Variants in AGTPBP1 observed in about 807,000 individuals in gnomAD.
AGTPBP1 encodes cytosolic carboxypeptidase 1.
Under a neutral mutation model 143.9 loss-of-function variants are expected in AGTPBP1, and 70 were observed. That is an observed-to-expected ratio of 0.49 (90% CI 0.40 to 0.59). The LOEUF (loss-of-function observed/expected upper bound fraction) is 0.59. AGTPBP1 is among the 20% of genes least tolerant of loss of function. The pLI is 0.00. For missense variants in AGTPBP1, 1,229 were observed against 1,464.5 expected (o/e 0.84, Z 2.62); for synonymous variants, 463 against 500.2 (o/e 0.93, Z 0.99).
At chr9:85,728,442 A>G (rs1279502313) in intron 1 of AGTPBP1, among the ~76,000 whole-genome samples, 1 of 152,138 alleles carries the variant, frequency 6.6e-6, no homozygotes, top group Non-Finnish European at 1.5e-5. Context: ...TAAAAAAGTT[A>G]TGGATTTCCC....
At chr9:85,674,439 T>C (rs560259909) in intron 6 of AGTPBP1, among the ~76,000 whole-genome samples, 1 of 152,060 alleles carries the variant, frequency 6.6e-6, no homozygotes, top group Admixed American at 6.6e-5. Context: ...TCATGAAAAG[T>C]AGAAGATAAC....
intron 10 of AGTPBP1, among the ~76,000 whole-genome samples, chr9:85,656,432 G>C (rs1231437862): frequency 6.6e-6 from 1 of 152,076 alleles, no homozygotes; most frequent in Non-Finnish European, 1.5e-5. Flanking sequence ...ACATATGATT[G>C]ATCTAGAAAA....
the AGTPBP1 span, among the ~76,000 whole-genome samples, chr9:85,800,162 C>A: frequency 6.6e-6 from 1 of 152,156 alleles, no homozygotes; most frequent in East Asian, 1.9e-4. Context: ...CTGCCTGGTG[C>A]CTAAGAGAGC....
the AGTPBP1 span, among the ~76,000 whole-genome samples, chr9:85,759,615 T>C: frequency 6.6e-6 from 1 of 151,796 alleles, no homozygotes; most frequent in Non-Finnish European, 1.5e-5. Flanking sequence ...GGGACACATT[T>C]AAAGCAGTGT....
intron 25 of AGTPBP1, among the ~76,000 whole-genome samples, chr9:85,567,815 A>C (rs1417779087): frequency 1.3e-5 from 2 of 152,212 alleles, no homozygotes; most frequent in Non-Finnish European, 2.9e-5. Flanking sequence ...GAGAAATTCC[A>C]ATACAGGAAT....
At chr9:85,756,101 G>A in the AGTPBP1 span, 3 of 1,571,016 alleles carry the variant, frequency 1.9e-6, no homozygotes, top group Admixed American at 5.7e-5. Flanking sequence ...GAAATAGTTA[G>A]ATGAAGAAGT....
chr9:85,694,708 C>T (rs1342788469), intron 2 of AGTPBP1, among the ~76,000 whole-genome samples: 1 of 152,194 alleles, frequency 6.6e-6, no homozygotes. Context: ...ACTCACTACA[C>T]TTTTGCCTTG....
At chr9:85,727,510 A>C (rs554311999) in intron 1 of AGTPBP1, among the ~76,000 whole-genome samples, 1 of 152,344 alleles carries the variant, frequency 6.6e-6, no homozygotes, top group South Asian at 2.1e-4. Flanking sequence ...ACGTGGATGA[A>C]GAGGACATAA....
intron 20 of AGTPBP1, among the ~76,000 whole-genome samples, chr9:85,588,821 A>G (rs1235195946): frequency 6.9e-6 from 1 of 144,274 alleles, no homozygotes; most frequent in Non-Finnish European, 1.5e-5. Context: ...TTAAAATATA[A>G]AACTATTTTT....
the AGTPBP1 span, among the ~76,000 whole-genome samples, chr9:85,769,111 G>A: frequency 6.6e-6 from 1 of 151,582 alleles, no homozygotes; most frequent in Non-Finnish European, 1.5e-5. Context: ...AGGGGAAGGA[G>A]TGGAGAGAAA....
At chr9:85,790,585 T>C in the AGTPBP1 span, among the ~76,000 whole-genome samples, 2 of 152,322 alleles carry the variant, frequency 1.3e-5, no homozygotes, top group Admixed American at 6.5e-5. Flanking sequence ...GTTGATGTTA[T>C]AATGATGGCT....
chr9:85,607,616 T>C (rs1830066502), intron 17 of AGTPBP1, among the ~76,000 whole-genome samples: 1 of 152,112 alleles, frequency 6.6e-6, no homozygotes, highest in Non-Finnish European at 1.5e-5. Flanking sequence ...AATCAAAATA[T>C]TAAATTGCCA....
intron 21 of AGTPBP1, 43 bp from the exon 22 acceptor site, chr9:85,587,003 ATAAACCCTTATATACATTTCT>A: frequency 6.2e-6 from 10 of 1,610,918 alleles, no homozygotes; most frequent in South Asian, 1.1e-5. Flanking sequence ...ACTGGTACCC[ATAAACCCTTATATACATTTCT>A]TAAACCCTTA....
At chr9:85,575,720 AT>A (rs1050058802) in intron 24 of AGTPBP1, among the ~76,000 whole-genome samples, 19 of 152,166 alleles carry the variant, frequency 1.2e-4, no homozygotes, top group African/African-American at 3.9e-4. Context: ...GATGCAAACT[AT>A]TTTCACCATC....
chr9:85,786,178 G>A, the AGTPBP1 span: 1 of 1,603,602 alleles, frequency 6.2e-7, no homozygotes, highest in African/African-American at 1.3e-5. Flanking sequence ...ATCCAGACCT[G>A]AAAGTATGAA....
At chr9:85,721,761 A>T (rs1034723040) in intron 1 of AGTPBP1, among the ~76,000 whole-genome samples, 1 of 152,200 alleles carries the variant, frequency 6.6e-6, no homozygotes, top group African/African-American at 2.4e-5. Flanking sequence ...GTTTCTTCAT[A>T]GCATTGATGG....
chr9:85,734,023 G>A (rs1839057803), intron 1 of AGTPBP1, among the ~76,000 whole-genome samples: 2 of 152,168 alleles, frequency 1.3e-5, no homozygotes, highest in South Asian at 4.1e-4. Flanking sequence ...GGAGGCCAAG[G>A]TGGGCGGATC....
chr9:85,737,038 G>A lies in AGTPBP1; in HGVS notation c.-34+4737C>T, dbSNP rs1339490411. Among the ~76,000 whole-genome samples the A allele has an allele frequency of 6.6e-5, 10 of 152,190 alleles. No homozygotes were observed. In the South Asian group the frequency reaches 1.7e-3, roughly 25 times the overall value. On this transcript the variant is annotated intron_variant, in intron 1 of 25. Coordinates refer to ENST00000357081, the MANE Select transcript of AGTPBP1 (RefSeq NM_001330701.2). ...GGAGAATGGCGTTAAGCCAGTAAGC[G>A]GAGCTTGCAGTGAGCAGAGATTGCA...
At chr9:85,738,843 C>A (rs1824007164) in intron 1 of AGTPBP1, among the ~76,000 whole-genome samples, 1 of 152,044 alleles carries the variant, frequency 6.6e-6, no homozygotes, top group South Asian at 2.1e-4. Flanking sequence ...TGCACTAATA[C>A]TGCTCCATCC....
Sources: gnomAD v4.1 joint callset for allele counts (sites outside exome capture counted in the v4.1 genomes callset) on GRCh38, gnomAD v4.1.1 for gene constraint, MANE v1.5 for transcripts, NCBI Gene and HGNC (gene_info 2026-07-23, HGNC 2026-07-21) for gene names.